Variants in ROBO2 observed in about 807,000 individuals in gnomAD.
ROBO2 encodes roundabout guidance receptor 2, also known as roundabout homolog 2.
ROBO2 carries 53 observed loss-of-function variants against 160.8 expected under a neutral mutation model. That is an observed-to-expected ratio of 0.33 (90% confidence interval 0.26 to 0.41). The LOEUF (loss-of-function observed/expected upper bound fraction) is 0.41. Ranked by LOEUF, ROBO2 falls within the 10% of genes least tolerant of loss-of-function variation. The pLI, the probability that ROBO2 is intolerant of heterozygous loss-of-function variation, is 1.00. For missense variants in ROBO2, 1,577 were observed against 1,722.4 expected, an observed-to-expected ratio of 0.92 and a Z score of 1.49; for synonymous variants, 664 against 611.7, an observed-to-expected ratio of 1.09 and a Z score of -1.26.
At chr3:77,639,495 C>T (rs139202130) in intron 24 of ROBO2, among the ~76,000 whole-genome samples, 2 of 152,106 alleles carry the variant, frequency 1.3e-5, no homozygotes, top group East Asian at 3.9e-4. Context: ...GTCAGCATTT[C>T]AGAAAAGACT....
intron 2 of ROBO2, among the ~76,000 whole-genome samples, chr3:76,553,641 A>G (rs1288674638): frequency 1.3e-5 from 2 of 152,194 alleles, no homozygotes; most frequent in Non-Finnish European, 2.9e-5. Context: ...AAAATTATCA[A>G]AATAAATCTG....
chr3:77,202,603 A>G (rs1422777514), intron 2 of ROBO2, among the ~76,000 whole-genome samples: 1 of 152,170 alleles, frequency 6.6e-6, no homozygotes, highest in Non-Finnish European at 1.5e-5. Flanking sequence ...GAGTAATGAA[A>G]TCTAAGAAAT....
Position 76,726,514 on chromosome 3 carries a change from G to C in ROBO2, c.110-371500G>C, listed in dbSNP as rs143780980. ...CTGCCTTTTGTCTTCACTTTTCTGAGTTTACAACCTTATAATTTACTGATA... is the reference window on the plus strand; with the variant it reads ...CTGCCTTTTGTCTTCACTTTTCTGACTTTACAACCTTATAATTTACTGATA... On this transcript the variant is annotated intron_variant, in intron 2 of 26. Coordinates refer to the ROBO2 transcript ENST00000487694. Among the ~76,000 whole-genome samples, 296 of 152,146 alleles carry C rather than the reference G, an allele frequency of 1.9e-3. 2 individuals are homozygous for C. Among genetic ancestry groups the C allele is most frequent in the African/African-American group, 6.7e-3 (279 of 41,518 alleles).
chr3:77,641,527 C>T (rs983826327), intron 24 of ROBO2, among the ~76,000 whole-genome samples: 4 of 152,024 alleles, frequency 2.6e-5, no homozygotes, highest in African/African-American at 9.7e-5. Flanking sequence ...AATACATTTA[C>T]AAAAATGGCA....
intron 20 of ROBO2, chr3:77,604,132 T>C (rs963123846): frequency 1.3e-5 from 2 of 152,134 alleles, no homozygotes; most frequent in Non-Finnish European, 2.9e-5. Context: ...AATGGGTCAT[T>C]TGCTCTTCTT....
At chr3:76,484,469 G>A (rs2107394970) in intron 2 of ROBO2, among the ~76,000 whole-genome samples, 1 of 152,272 alleles carries the variant, frequency 6.6e-6, no homozygotes, top group South Asian at 2.1e-4. Context: ...CAGTCAAGTG[G>A]GGAGTCGGCT....
intron 23 of ROBO2, among the ~76,000 whole-genome samples, chr3:77,624,038 C>T (rs1334784667): frequency 1.3e-5 from 2 of 152,040 alleles, no homozygotes; most frequent in Non-Finnish European, 2.9e-5. Context: ...ATGTTCATTC[C>T]AAATGAAGCT....
chr3:77,368,254 C>A (rs1560640113), intron 2 of ROBO2, among the ~76,000 whole-genome samples: 1 of 47,624 alleles, frequency 2.1e-5, no homozygotes, highest in African/African-American at 5.9e-5. Flanking sequence ...CAAATACATT[C>A]ATTTTTTTGT....
intron 2 of ROBO2, among the ~76,000 whole-genome samples, chr3:77,408,064 G>T (rs543581785): frequency 5.3e-5 from 8 of 151,434 alleles, no homozygotes; most frequent in Non-Finnish European, 1.2e-4. Context: ...ATGTGTATCA[G>T]GGTAATTGGA....
intron 1 of ROBO2, among the ~76,000 whole-genome samples, chr3:75,920,170 C>G (rs998833747): frequency 1.3e-5 from 2 of 152,206 alleles, no homozygotes; most frequent in Non-Finnish European, 2.9e-5. Flanking sequence ...GCATTTAATG[C>G]TATAAATTTC....
chr3:75,964,722 G>C (rs191704339), intron 2 of ROBO2, among the ~76,000 whole-genome samples: 1 of 151,512 alleles, frequency 6.6e-6, no homozygotes, highest in Admixed American at 6.6e-5. Context: ...TAAGTTACAC[G>C]AGTTTCAATT....
intron 2 of ROBO2, among the ~76,000 whole-genome samples, chr3:76,095,278 C>CAACT (rs2069394556): frequency 6.6e-6 from 1 of 151,636 alleles, no homozygotes; most frequent in East Asian, 1.9e-4. Context: ...AAAGCTAAGG[C>CAACT]AACTATACAT....
intron 2 of ROBO2, among the ~76,000 whole-genome samples, chr3:77,469,601 GT>G (rs1212927259): frequency 6.6e-6 from 1 of 152,042 alleles, no homozygotes; most frequent in Non-Finnish European, 1.5e-5. Flanking sequence ...TGTGCTACCA[GT>G]TTTTTTGGCT....
intron 2 of ROBO2, among the ~76,000 whole-genome samples, chr3:76,304,315 G>A (rs1195640739): frequency 6.6e-6 from 1 of 152,160 alleles, no homozygotes. Flanking sequence ...AAGAATTAAA[G>A]TGTGTTTTTA....
At chr3:77,030,576 A>G (rs935573588) in intron 2 of ROBO2, among the ~76,000 whole-genome samples, 1 of 152,206 alleles carries the variant, frequency 6.6e-6, no homozygotes, top group Non-Finnish European at 1.5e-5. Context: ...TCACAGTTAT[A>G]AAGCCTAGAC....
intron 2 of ROBO2, among the ~76,000 whole-genome samples, chr3:76,706,185 T>G (rs138611243): frequency 9.6e-4 from 146 of 152,236 alleles, no homozygotes; most frequent in African/African-American, 3.5e-3. Flanking sequence ...AACTTTGATT[T>G]ATACTGTGCA....
chr3:76,896,726 G>T (rs1326254559), intron 2 of ROBO2, among the ~76,000 whole-genome samples: 1 of 151,930 alleles, frequency 6.6e-6, no homozygotes, highest in African/African-American at 2.4e-5. Context: ...TTGGTGACTG[G>T]GAGTTTATCA....
intron 5 of ROBO2, among the ~76,000 whole-genome samples, chr3:77,497,561 G>A (rs528485300): frequency 6.6e-6 from 1 of 152,184 alleles, no homozygotes; most frequent in East Asian, 1.9e-4. Flanking sequence ...ACGTGGGAAA[G>A]TATTTACATT....
At chr3:76,738,552 C>G (rs1027805771) in intron 2 of ROBO2, among the ~76,000 whole-genome samples, 4 of 152,076 alleles carry the variant, frequency 2.6e-5, no homozygotes, top group Non-Finnish European at 5.9e-5. Context: ...AGAAAAAGGC[C>G]TATGAGTAAA....
Sources: allele counts gnomAD v4.1 joint callset (sites outside exome capture counted in the v4.1 genomes callset), GRCh38; gene constraint gnomAD v4.1.1; transcripts MANE v1.5; gene names NCBI Gene and HGNC (gene_info 2026-07-23, HGNC 2026-07-21).